SLC4A10: variants seen among roughly 807,000 people sequenced by gnomAD.
SLC4A10 encodes sodium-driven chloride bicarbonate exchanger.
Under a neutral mutation model 137.7 loss-of-function variants are expected in SLC4A10, and 42 were observed. That is an observed-to-expected ratio of 0.30 (90% CI 0.24 to 0.39). The LOEUF is 0.39. Among genes scored for constraint, SLC4A10 ranks in the 10% least tolerant of loss-of-function variants. The pLI is 1.00. For missense variants in SLC4A10, 925 were observed against 1,355.0 expected (o/e 0.68, Z 4.98); for synonymous variants, 474 against 464.1 (o/e 1.02, Z -0.27).
At chr2:161,630,742 C>T (rs2033389657) in intron 1 of SLC4A10, among the ~76,000 whole-genome samples, 1 of 151,672 alleles carries the variant, frequency 6.6e-6, no homozygotes, top group Non-Finnish European at 1.5e-5. Context: ...TTGTCTCAGG[C>T]TCATGATAGG....
chr2:161,807,823 A>G (rs185397202), intron 3 of SLC4A10, among the ~76,000 whole-genome samples: 2,219 of 151,238 alleles, frequency 0.015, 51 homozygotes, highest in African/African-American at 0.051. Context: ...ATCGAATTAA[A>G]CTTAGTCTAT....
intron 10 of SLC4A10, among the ~76,000 whole-genome samples, chr2:161,885,449 C>A (rs1350596058): frequency 3.3e-5 from 5 of 152,130 alleles, no homozygotes; most frequent in African/African-American, 9.6e-5. Flanking sequence ...GTACTTGGAA[C>A]ACTTTCTAGG....
At chr2:161,636,205 T>A (rs1185197638) in intron 1 of SLC4A10, among the ~76,000 whole-genome samples, 2 of 152,134 alleles carry the variant, frequency 1.3e-5, no homozygotes, top group Non-Finnish European at 2.9e-5. Context: ...TTCTGTGAAC[T>A]TTTTGAAGAC....
chr2:161,780,704 C>T (rs1559233923), intron 2 of SLC4A10, among the ~76,000 whole-genome samples: 1 of 151,890 alleles, frequency 6.6e-6, no homozygotes, highest in Non-Finnish European at 1.5e-5. Context: ...TACTTTAGAT[C>T]TCACTCTCAG....
intron 1 of SLC4A10, among the ~76,000 whole-genome samples, chr2:161,626,204 TG>T (rs1455431549): frequency 6.6e-6 from 1 of 151,982 alleles, no homozygotes; most frequent in Non-Finnish European, 1.5e-5. Context: ...GGTGGGGTGT[TG>T]GAACCTGTCC....
At chr2:161,665,819 T>A (rs2038972061) in intron 1 of SLC4A10, among the ~76,000 whole-genome samples, 1 of 150,812 alleles carries the variant, frequency 6.6e-6, no homozygotes, top group Non-Finnish European at 1.5e-5. Context: ...GATAAAAGAG[T>A]CCAGAGGCCA....
At chr2:161,884,156 T>C (rs957525228) in intron 10 of SLC4A10, among the ~76,000 whole-genome samples, 4 of 152,198 alleles carry the variant, frequency 2.6e-5, no homozygotes, top group African/African-American at 9.7e-5. Context: ...TATTTCTATA[T>C]TGATTTGTAT....
intron 15 of SLC4A10, among the ~76,000 whole-genome samples, chr2:161,935,071 GA>G (rs1436638835): frequency 1.3e-5 from 2 of 152,162 alleles, no homozygotes; most frequent in African/African-American, 4.8e-5. Context: ...AATATGGTGT[GA>G]GATAAGGGTC....
At chr2:161,946,522 C>A (rs960555168) in intron 16 of SLC4A10, among the ~76,000 whole-genome samples, 6 of 151,984 alleles carry the variant, frequency 3.9e-5, no homozygotes, top group Non-Finnish European at 8.8e-5. Flanking sequence ...ATGTTCAGGG[C>A]AAGAATATCT....
intron 9 of SLC4A10, among the ~76,000 whole-genome samples, chr2:161,880,560 T>C (rs1440297517): frequency 6.6e-6 from 1 of 152,088 alleles, no homozygotes; most frequent in African/African-American, 2.4e-5. Flanking sequence ...GTTTGAGAGT[T>C]ACTGAGATGA....
At chr2:161,944,539 G>A (rs777274193) in intron 16 of SLC4A10, among the ~76,000 whole-genome samples, 7 of 151,730 alleles carry the variant, frequency 4.6e-5, no homozygotes, top group Admixed American at 1.3e-4. Flanking sequence ...AAGTAGAATA[G>A]TGAAAAATAT....
rs576553263 is a variant in SLC4A10, at chr2:161,886,791, T to G, written c.1194+4347T>G. Among the ~76,000 whole-genome samples, 22 of 152,264 alleles carry G rather than the reference T, an allele frequency of 1.4e-4. 1 individual carries two copies. The South Asian group carries it at 4.6e-3, about 32-fold the overall frequency. On this transcript the variant is annotated intron_variant, in intron 10 of 26. Transcript: ENST00000446997. ...CCAAATCATCAATCTTAATTTTTTT[T>G]GTTTGATTTTTTTTGTATACTTTAA...
At chr2:161,962,890 T>A (rs577925229) in intron 21 of SLC4A10, among the ~76,000 whole-genome samples, 67 of 152,272 alleles carry the variant, frequency 4.4e-4, no homozygotes, top group African/African-American at 1.6e-3. Flanking sequence ...CCTTTGCATA[T>A]TAATATGACA....
chr2:161,647,780 A>G (rs1428699626), intron 1 of SLC4A10, among the ~76,000 whole-genome samples: 2 of 152,170 alleles, frequency 1.3e-5, no homozygotes, highest in African/African-American at 4.8e-5. Flanking sequence ...GGTAATTTCT[A>G]GTTCTATATT....
intron 2 of SLC4A10, among the ~76,000 whole-genome samples, chr2:161,787,751 T>A (rs576336725): frequency 6.6e-6 from 1 of 152,172 alleles, no homozygotes; most frequent in Non-Finnish European, 1.5e-5. Context: ...CTTTTGTGAA[T>A]TTTTTTATTT....
At chr2:161,983,042 CT>C in intron 26 of SLC4A10, 136 bp from the exon 27 acceptor site, 1 of 673,338 alleles carries the variant, frequency 1.5e-6, no homozygotes, top group Non-Finnish European at 2.5e-6. Context: ...TCTATCTGTG[CT>C]TCGCAGCATG....
At chr2:161,810,283 C>A (rs2056414487) in intron 3 of SLC4A10, among the ~76,000 whole-genome samples, 1 of 151,866 alleles carries the variant, frequency 6.6e-6, no homozygotes, top group Non-Finnish European at 1.5e-5. Flanking sequence ...TTAGGGTTTT[C>A]TATTTCTAAA....
At chr2:161,720,660 GT>G (rs1413504106) in intron 1 of SLC4A10, among the ~76,000 whole-genome samples, 1 of 151,884 alleles carries the variant, frequency 6.6e-6, no homozygotes, top group Non-Finnish European at 1.5e-5. Flanking sequence ...TTCGATCTTT[GT>G]TGGTTTAAAG....
intron 3 of SLC4A10, among the ~76,000 whole-genome samples, chr2:161,810,243 G>A (rs2056410084): frequency 6.6e-6 from 1 of 151,958 alleles, no homozygotes. Context: ...TACTGAAATT[G>A]TCAATTCTAG....
Sources: allele counts gnomAD v4.1 joint callset (sites outside exome capture counted in the v4.1 genomes callset), GRCh38; gene constraint gnomAD v4.1.1; transcripts MANE v1.5; gene names NCBI Gene and HGNC (gene_info 2026-07-23, HGNC 2026-07-21).